Variants in GSK3B observed in about 807,000 individuals in gnomAD.
GSK3B encodes glycogen synthase kinase-3 beta.
GSK3B carries 15 observed loss-of-function variants against 56.4 expected under a neutral mutation model. The ratio of observed to expected loss-of-function variants is 0.27; its 90% CI spans 0.18 to 0.41. GSK3B has a LOEUF of 0.41. GSK3B is among the 10% of genes least tolerant of loss of function. The probability of loss-of-function intolerance (pLI) is 1.00; values close to 1 mark genes in which losing one functional copy is unlikely to be tolerated. For synonymous variants in GSK3B, 181 were observed against 188.9 expected, an observed-to-expected ratio of 0.96 and a Z score of 0.34; for missense variants, 300 against 513.4, an observed-to-expected ratio of 0.58 and a Z score of 4.02.
chr3:119,834,747 C>G (rs771990808), intron 10 of GSK3B, among the ~76,000 whole-genome samples: 2 of 152,082 alleles, frequency 1.3e-5, no homozygotes, highest in Non-Finnish European at 2.9e-5. Context: ...CAGGGACACA[C>G]GGAAAAATGT....
intron 1 of GSK3B, among the ~76,000 whole-genome samples, chr3:120,064,412 T>C (rs1355068453): frequency 2.0e-5 from 3 of 151,870 alleles, no homozygotes; most frequent in Non-Finnish European, 4.4e-5. Context: ...ATTCAAGTTA[T>C]AGCAGTATCC....
intron 4 of GSK3B, among the ~76,000 whole-genome samples, chr3:119,919,622 T>G (rs1200396750): frequency 6.6e-6 from 1 of 152,006 alleles, no homozygotes; most frequent in Non-Finnish European, 1.5e-5. Flanking sequence ...AACTTCAGTA[T>G]GTACAATAAT....
chr3:119,898,341 T>C (rs1271875312), intron 7 of GSK3B, among the ~76,000 whole-genome samples: 2 of 152,134 alleles, frequency 1.3e-5, no homozygotes, highest in Non-Finnish European at 2.9e-5. Flanking sequence ...TGTCTGTAAC[T>C]GAAAGCAAAG....
In GSK3B at chr3:119,913,805, A is replaced by G. The variant is rs886690089; in HGVS notation, c.609-995T>C. On this transcript the variant is annotated intron_variant, in intron 5 of 10. Coordinates refer to ENST00000264235, the MANE Select transcript of GSK3B (RefSeq NM_001146156.2). Reference sequence around the variant, plus strand: ...CTTAACTTCTTTTTCCTTCATCACTAGTTTTGAAGTTTGTTTTTTAACCCT... The same window carrying G: ...CTTAACTTCTTTTTCCTTCATCACTGGTTTTGAAGTTTGTTTTTTAACCCT... 3.3e-5 allele frequency among the ~76,000 whole-genome samples: 5 copies of G among 151,988 alleles called. No individual in the cohort carries two copies. In the East Asian group the frequency reaches 9.6e-4, roughly 29 times the overall value.
intron 8 of GSK3B, among the ~76,000 whole-genome samples, chr3:119,870,330 A>C (rs774730500): frequency 1.4e-4 from 22 of 152,232 alleles, no homozygotes; most frequent in Non-Finnish European, 3.1e-4. Flanking sequence ...TCAAGGACAA[A>C]GACTATATAT....
At chr3:119,919,086 T>G (rs371863163) in intron 4 of GSK3B, among the ~76,000 whole-genome samples, 1 of 152,248 alleles carries the variant, frequency 6.6e-6, no homozygotes, top group Non-Finnish European at 1.5e-5. Flanking sequence ...GTCATCTGTT[T>G]TAGAGTTGCA....
At chr3:119,917,493 C>T (rs974274063) in intron 4 of GSK3B, among the ~76,000 whole-genome samples, 3 of 151,852 alleles carry the variant, frequency 2.0e-5, no homozygotes, top group Non-Finnish European at 2.9e-5. Context: ...TCACAGAATC[C>T]ATTTCTAAGT....
chr3:119,864,670 TAAG>T (rs1278366142), intron 8 of GSK3B, among the ~76,000 whole-genome samples: 7 of 152,252 alleles, frequency 4.6e-5, no homozygotes, highest in Non-Finnish European at 4.4e-5. Context: ...CCTGGAAGGC[TAAG>T]GTTTCCTCGT....
chr3:120,092,952 T>C (rs77066685), intron 1 of GSK3B, among the ~76,000 whole-genome samples: 5,787 of 152,306 alleles, frequency 0.038, 399 homozygotes, highest in African/African-American at 0.13. Context: ...ATTCCAAAAA[T>C]TCTGCAAATG....
At chr3:120,012,828 C>T (rs539690203) in intron 1 of GSK3B, among the ~76,000 whole-genome samples, 25 of 152,238 alleles carry the variant, frequency 1.6e-4, no homozygotes, top group African/African-American at 5.8e-4. Flanking sequence ...CACAAACCAC[C>T]ATGCCTCACT....
chr3:120,043,951 T>C (rs2058082876), intron 1 of GSK3B, among the ~76,000 whole-genome samples: 1 of 152,198 alleles, frequency 6.6e-6, no homozygotes, highest in Admixed American at 6.5e-5. Flanking sequence ...GCAATTAAAA[T>C]AGGATATCAA....
At chr3:119,922,228 GGGAAGGAAGGAA>G (rs539984482) in intron 4 of GSK3B, among the ~76,000 whole-genome samples, 36 of 61,464 alleles carry the variant, frequency 5.9e-4, no homozygotes, top group African/African-American at 1.2e-3. Context: ...GAAGGAAGGA[GGGAAGGAAGGAA>G]GGAAGGAAGG....
chr3:119,927,250 G>GA (rs1208773184), intron 3 of GSK3B, among the ~76,000 whole-genome samples: 1 of 152,082 alleles, frequency 6.6e-6, no homozygotes, highest in Non-Finnish European at 1.5e-5. Flanking sequence ...AAAGCTTGAA[G>GA]AAAAAAATTA....
chr3:119,831,617 A>G (rs1036755583), intron 10 of GSK3B, among the ~76,000 whole-genome samples: 6 of 151,574 alleles, frequency 4.0e-5, no homozygotes, highest in African/African-American at 1.5e-4. Flanking sequence ...AAATCATGCC[A>G]CTGCACTCCA....
chr3:119,822,284 A>G lies in GSK3B; in HGVS notation c.*4504T>C, dbSNP rs1577292642. 5.6e-6 allele frequency: 1 copy of G among 179,302 alleles called. No individual in the cohort carries two copies. Among genetic ancestry groups the G allele is most frequent in the African/African-American group, 2.4e-5 (1 of 41,810 alleles). The allele number at this position is 179,302 out of a possible 1,614,324, so 11.1% of individuals were successfully genotyped here. A position where few individuals can be genotyped will look rare whatever the true frequency, so the allele number is the denominator to read the frequency against. On this transcript the variant is annotated 3_prime_UTR_variant, in exon 11 of 11. Transcript: ENST00000264235. ...ATATATATAATAAATTTTGTTTTTT[A>G]GGTTTGTTTTTAAGATGGAAGTGGT...
intron 7 of GSK3B, among the ~76,000 whole-genome samples, chr3:119,898,623 A>G (rs1313359648): frequency 6.6e-6 from 1 of 152,256 alleles, no homozygotes; most frequent in African/African-American, 2.4e-5. Flanking sequence ...AATAGAGGCT[A>G]TAAATTGAGC....
chr3:119,930,367 A>C (rs2056934194), intron 3 of GSK3B, among the ~76,000 whole-genome samples: 1 of 152,138 alleles, frequency 6.6e-6, no homozygotes, highest in South Asian at 2.1e-4. Context: ...CAGTTGGTAA[A>C]TCACACAGTA....
At chr3:119,923,341 C>T (rs1163740052) in intron 4 of GSK3B, 32 bp downstream of exon 4, 1 of 1,176,186 alleles carries the variant, frequency 8.5e-7, no homozygotes, top group African/African-American at 1.5e-5. Flanking sequence ...AAAATGTTTT[C>T]TAAAATGGAA....
chr3:120,013,221 A>G (rs1280771711), intron 1 of GSK3B, among the ~76,000 whole-genome samples: 1 of 152,230 alleles, frequency 6.6e-6, no homozygotes, highest in East Asian at 1.9e-4. Flanking sequence ...AGTCCACTTC[A>G]AGGATGTTTA....
Sources: allele counts gnomAD v4.1 joint callset (sites outside exome capture counted in the v4.1 genomes callset), GRCh38; gene constraint gnomAD v4.1.1; transcripts MANE v1.5; gene names NCBI Gene and HGNC (gene_info 2026-07-23, HGNC 2026-07-21).